The following FXYD7 variants were observed in gnomAD, a reference collection of about 807,000 sequenced individuals.
FXYD7 encodes FXYD domain containing ion transport regulator 7.
In FXYD7, 7 loss-of-function variants were observed where a neutral mutation model predicts 15.3. The ratio of observed to expected loss-of-function variants is 0.46; its 90% confidence interval spans 0.26 to 0.86. The LOEUF is 0.86. Ranked by LOEUF, FXYD7 falls within the 40% of genes least tolerant of loss-of-function variation. The pLI is 0.16. For missense variants in FXYD7, 78 were observed against 100.6 expected (o/e 0.78, Z 0.96); for synonymous variants, 39 against 39.3 (o/e 0.99, Z 0.03).
intron 2 of FXYD7, chr19:35,149,107 T>C (rs1039203672): frequency 2.4e-5 from 11 of 466,964 alleles, no homozygotes; most frequent in African/African-American, 7.9e-5. Flanking sequence ...TGGGCCCTTC[T>C]GTAAACAAGG....
At position 35,149,883 on chromosome 19, in the gene FXYD7, C is replaced by T. The variant is rs144917855; in HGVS notation, c.61+1160C>T. Among the ~76,000 whole-genome samples, 492 of 152,174 alleles carry T rather than the reference C, an allele frequency of 3.2e-3. 2 individuals carry two copies. Among genetic ancestry groups the T allele is most frequent in the African/African-American group, 0.011 (462 of 41,502 alleles). The stretch of plus-strand genomic sequence containing the variant: ...GCTGAGGCAGGAGGATCGCTCAAGT[C>T]CAGGAGTTTGAAGCTGCAATGAACT... On this transcript the variant is annotated intron_variant, in intron 2 of 5. Transcript: ENST00000270310.
chr19:35,153,841 G>C, intron 5 of FXYD7, 53 bp from the exon 6 acceptor site: 1 of 1,577,020 alleles, frequency 6.3e-7, no homozygotes, highest in Non-Finnish European at 8.7e-7. Flanking sequence ...GAGCTGTGGG[G>C]AGGGAGGCAG....
chr19:35,150,579 CACGTGGATATTTGGGGGAAGAGCTT>C, intron 2 of FXYD7, among the ~76,000 whole-genome samples: 1 of 152,052 alleles, frequency 6.6e-6, no homozygotes, highest in African/African-American at 2.4e-5. Flanking sequence ...GGGAAGGAGC[CACGTGGATATTTGGGGGAAGAGCTT>C]TCAGGCTGCA....
chr19:35,149,362 C>A, intron 2 of FXYD7: 1 of 304,392 alleles, frequency 3.3e-6, no homozygotes, highest in South Asian at 3.1e-5. Context: ...TGCAGTAATG[C>A]TTCTCCTTTG....
rs1555737607 is a variant in FXYD7, at chr19:35,153,033, C to CTTTGTTTTGTTTTTTTTTTTTTTTTT, written c.221-858_221-857insGTTTTGTTTTTTTTTTTTTTTTTTTT. Among the ~76,000 whole-genome samples the CTTTGTTTTGTTTTTTTTTTTTTTTTT allele has an allele frequency of 2.3e-4, 10 of 44,138 alleles. 1 individual carries two copies. Among genetic ancestry groups the CTTTGTTTTGTTTTTTTTTTTTTTTTT allele is most frequent in the Non-Finnish European group, 3.5e-4 (9 of 25,806 alleles). 29.0% of individuals were successfully genotyped at this position (44,138 alleles called of 152,430 possible). ...TTGGTGTGGAATTTGTTTCACGTTC[C>CTTTGTTTTGTTTTTTTTTTTTTTTTT]TTTTTTTTTTTTTTTTTTTTTTTTT... is the stretch of plus-strand genomic sequence containing the variant. On this transcript the variant is annotated intron_variant, in intron 5 of 5. Transcript: ENST00000270310.
In FXYD7 at chr19:35,143,617, C is replaced by T. The variant is rs117284032; in HGVS notation, c.31+253C>T. ...TGGCAGTCCCGGGAGAAGGGATGCT[C>T]GGACAGGTCGCTATGGCAACCGGGT... On this transcript the variant is annotated intron_variant, in intron 1 of 5. Transcript: ENST00000270310. This position sits in a 1 kb window ranked among gnomAD's most constrained non-coding sequence, Gnocchi z 4.3. Among the ~76,000 whole-genome samples the T allele has an allele frequency of 2.0e-5, 3 of 151,906 alleles. No homozygotes were observed. In the East Asian group the frequency reaches 5.9e-4, roughly 30 times the overall value.
intron 5 of FXYD7, among the ~76,000 whole-genome samples, chr19:35,153,033 C>CTTTGTTTTGTTTTTT (rs1555737607): frequency 4.5e-5 from 2 of 44,142 alleles, no homozygotes; most frequent in Non-Finnish European, 7.7e-5. Flanking sequence ...TTTCACGTTC[C>CTTTGTTTTGTTTTTT]TTTTTTTTTT....
At chr19:35,145,703 C>T (rs1230805438) in intron 1 of FXYD7, among the ~76,000 whole-genome samples, 1 of 152,200 alleles carries the variant, frequency 6.6e-6, no homozygotes, top group African/African-American at 2.4e-5. Flanking sequence ...TGAGTACTAC[C>T]GTCACAATTT....
intron 1 of FXYD7, among the ~76,000 whole-genome samples, chr19:35,146,624 G>A (rs897297947): frequency 1.3e-5 from 2 of 152,180 alleles, no homozygotes; most frequent in Admixed American, 6.5e-5. Flanking sequence ...TTAGCAGGGA[G>A]GCTGGAATGG....
At chr19:35,147,417 C>A (rs1046567654) in intron 1 of FXYD7, among the ~76,000 whole-genome samples, 1 of 152,120 alleles carries the variant, frequency 6.6e-6, no homozygotes, top group East Asian at 1.9e-4. Flanking sequence ...CAGAGGCATT[C>A]GAGAACCATC....
chr19:35,145,803 G>A (rs564061814), intron 1 of FXYD7, among the ~76,000 whole-genome samples: 1 of 152,204 alleles, frequency 6.6e-6, no homozygotes, highest in East Asian at 1.9e-4. Flanking sequence ...TTTGAGACAA[G>A]GTCTCACTCT....
chr19:35,152,134 C>CAAA (rs71167517), intron 5 of FXYD7, among the ~76,000 whole-genome samples: 1,555 of 45,080 alleles, frequency 0.034, 64 homozygotes, highest in Middle Eastern at 0.052. Flanking sequence ...GTGAGACTGT[C>CAAA]AAAAAAAAAA....
chr19:35,150,976 G>A (rs549946456), intron 2 of FXYD7, among the ~76,000 whole-genome samples: 1 of 152,190 alleles, frequency 6.6e-6, no homozygotes, highest in South Asian at 2.1e-4. Flanking sequence ...CCAGGGAGGA[G>A]GTGGTAGAGG....
intron 1 of FXYD7, among the ~76,000 whole-genome samples, chr19:35,147,403 C>A (rs893598227): frequency 5.3e-5 from 8 of 152,156 alleles, no homozygotes; most frequent in African/African-American, 1.9e-4. Context: ...ATAATAAGAA[C>A]TGTCAGAGGC....
rs558562453 is a variant in FXYD7, at chr19:35,153,115, G to A, written c.221-779G>A. Among the ~76,000 whole-genome samples the A allele has an allele frequency of 5.3e-5, 7 of 132,040 alleles. No homozygotes were observed. The South Asian group carries it at 1.5e-3, about 29-fold the overall frequency. 86.6% of individuals were successfully genotyped at this position (132,040 alleles called of 152,430 possible). A position where few individuals can be genotyped will look rare whatever the true frequency, so the allele number is the denominator to read the frequency against. On this transcript the variant is annotated intron_variant, in intron 5 of 5. Transcript: ENST00000270310. ...TGCCCAGGCTGGAGTGCAGTGGCAC[G>A]ATCTCAGCTTATTACAACACTGCAA... is the stretch of plus-strand genomic sequence containing the variant.
intron 2 of FXYD7, among the ~76,000 whole-genome samples, chr19:35,150,761 C>G (rs1174956196): frequency 6.6e-6 from 1 of 152,078 alleles, no homozygotes; most frequent in Non-Finnish European, 1.5e-5. Context: ...TCATATGGGA[C>G]TTTGAGGGCC....
At position 35,151,572 on chromosome 19, in the gene FXYD7, C is replaced by A. The variant is rs117593335; in HGVS notation, c.180-61C>A. On this transcript the variant is annotated intron_variant, in intron 4 of 5. Coordinates refer to ENST00000270310, the MANE Select transcript of FXYD7 (RefSeq NM_022006.2). ...ATCCACTGGGCCTGCCATGCGTTTTCCCCAAAGCCTATGGTTATTGAACCT... is the reference window on the plus strand; with the variant it reads ...ATCCACTGGGCCTGCCATGCGTTTTACCCAAAGCCTATGGTTATTGAACCT... 68 of 1,594,362 alleles carry A rather than the reference C, an allele frequency of 4.3e-5. No individual in the cohort carries two copies. The African/African-American group carries it at 6.3e-4, about 15-fold the overall frequency.
chr19:35,149,723 C>G (rs546489760), intron 2 of FXYD7: 1 of 152,466 alleles, frequency 6.6e-6, no homozygotes, highest in African/African-American at 2.4e-5. Flanking sequence ...AGAATTCCTG[C>G]CCTCCTCCTG....
Position 35,154,061 on chromosome 19 carries a change from C to T in FXYD7, c.*145C>T, listed in dbSNP as rs969242160. The T allele has an allele frequency of 8.3e-5, 56 of 676,746 alleles. No homozygotes were observed. The highest frequency in any genetic ancestry group is 2.7e-4 in the African/African-American group (15 of 55,016). The allele number at this position is 676,746 out of a possible 1,614,324, so 41.9% of individuals were successfully genotyped here. A position where few individuals can be genotyped will look rare whatever the true frequency, so the allele number is the denominator to read the frequency against. On this transcript the variant is annotated 3_prime_UTR_variant, in exon 6 of 6. Coordinates refer to ENST00000270310, the MANE Select transcript of FXYD7 (RefSeq NM_022006.2). Reference sequence around the variant, plus strand: ...CCACCCCAAGGCTGGAGCCGCTGCACCCTGCTGTCCCTCTCCAGGCCTTGG... The same window carrying T: ...CCACCCCAAGGCTGGAGCCGCTGCATCCTGCTGTCCCTCTCCAGGCCTTGG...
Sources: gnomAD v4.1 joint callset for allele counts (sites outside exome capture counted in the v4.1 genomes callset) on GRCh38, gnomAD v4.1.1 for gene constraint, Gnocchi (gnomAD v3.1) non-coding constraint, MANE v1.5 for transcripts, NCBI Gene and HGNC (gene_info 2026-07-23, HGNC 2026-07-21) for gene names.